OSBPL3: variants seen among roughly 807,000 people sequenced by gnomAD.
OSBPL3 encodes the protein oxysterol-binding protein-related protein 3.
Under a neutral mutation model 120.1 loss-of-function variants are expected in OSBPL3, and 65 were observed. The observed-to-expected ratio is 0.54, with a 90% confidence interval of 0.44 to 0.67. The LOEUF (loss-of-function observed/expected upper bound fraction) is 0.67, where lower values mean the gene tolerates loss of function less well. Ranked by LOEUF, OSBPL3 falls within the 30% of genes least tolerant of loss-of-function variation. OSBPL3 has a pLI of 0.00. For missense variants in OSBPL3, 1,004 were observed against 1,082.1 expected, an observed-to-expected ratio of 0.93 and a Z score of 1.01; for synonymous variants, 416 against 402.6, an observed-to-expected ratio of 1.03 and a Z score of -0.40.
rs1803957088 is a variant in OSBPL3 at position 24,883,055 on chromosome 7, C to A, written c.96+9322G>T. Among the ~76,000 whole-genome samples, 1 of 152,092 alleles carries A rather than the reference C, an allele frequency of 6.6e-6. No individual in the cohort carries two copies. Among genetic ancestry groups the A allele is most frequent in the African/African-American group, 2.4e-5 (1 of 41,412 alleles). On this transcript the variant is annotated intron_variant, in intron 2 of 22. Transcript: ENST00000313367. This position sits in a 1 kb window ranked among gnomAD's most constrained non-coding sequence, Gnocchi z 5.4. The stretch of plus-strand genomic sequence containing the variant: ...TGTTCACTGTTTTCCTTTTGCTGTG[C>A]AGAAACTTTTTAGTTTAATTAAGTA...
At position 24,937,844 on chromosome 7, in the gene OSBPL3, G is replaced by T. The variant is rs541559478; in HGVS notation, c.-150+42042C>A. Among the ~76,000 whole-genome samples the T allele has an allele frequency of 6.6e-6, 1 of 152,316 alleles. No individual in the cohort carries two copies. Among genetic ancestry groups the T allele is most frequent in the Non-Finnish European group, 1.5e-5 (1 of 68,032 alleles). ...CAAACTATTTAATTTGAACAAATTTGTGAGTGTAGAAACGATATTCTTGTT... is the reference window on the plus strand; with the variant it reads ...CAAACTATTTAATTTGAACAAATTTTTGAGTGTAGAAACGATATTCTTGTT... On this transcript the variant is annotated intron_variant, in intron 1 of 22. Coordinates refer to ENST00000313367, the MANE Select transcript of OSBPL3 (RefSeq NM_015550.4). This position sits in a 1 kb window ranked among gnomAD's most constrained non-coding sequence, Gnocchi z 4.0.
rs763625331 is a variant in OSBPL3 at position 24,863,615 on chromosome 7, G to A, written c.674-16C>T. 31 of 1,539,958 alleles carry A rather than the reference G, an allele frequency of 2.0e-5. No homozygotes were observed. The South Asian group carries it at 3.2e-4, about 16-fold the overall frequency. ...TGCGCCAGGTCTGTGGGGGAAAAGAGGACAGTGCTCACAATGCTCCACTAG... is the reference window on the plus strand; with the variant it reads ...TGCGCCAGGTCTGTGGGGGAAAAGAAGACAGTGCTCACAATGCTCCACTAG... On this transcript the variant is annotated splice_polypyrimidine_tract_variant and intron_variant, in intron 7 of 22. Coordinates refer to ENST00000313367, the MANE Select transcript of OSBPL3 (RefSeq NM_015550.4). This position sits in a 1 kb window ranked among gnomAD's most constrained non-coding sequence, Gnocchi z 5.8.
intron 1 of OSBPL3, among the ~76,000 whole-genome samples, chr7:24,961,015 A>G (rs1815671337): frequency 1.3e-5 from 2 of 152,224 alleles, no homozygotes; most frequent in Admixed American, 1.3e-4. Context: ...TTAAACTTCG[A>G]AATAATTTTT....
intron 17 of OSBPL3, among the ~76,000 whole-genome samples, chr7:24,816,914 C>T (rs565258368): frequency 3.9e-5 from 6 of 152,174 alleles, no homozygotes; most frequent in Admixed American, 2.6e-4. Flanking sequence ...TCCATGAATG[C>T]GAGAAGTGAA....
rs1410607774 is a variant in OSBPL3, at chr7:24,946,251, C to T, written c.-150+33635G>A. On this transcript the variant is annotated intron_variant, in intron 1 of 22. Transcript: ENST00000313367. The surrounding 1 kb of genome is among the most constrained non-coding windows in gnomAD (Gnocchi z 4.3). Reference sequence around the variant, plus strand: ...TACTTGGCAGTTAGCATGGTCAGAGCTAATGTCCCAAGAGAAGTAAGCAGA... The same window carrying T: ...TACTTGGCAGTTAGCATGGTCAGAGTTAATGTCCCAAGAGAAGTAAGCAGA... Among the ~76,000 whole-genome samples the T allele has an allele frequency of 6.6e-6, 1 of 152,176 alleles. No homozygotes were observed. The highest frequency in any genetic ancestry group is 2.4e-5 in the African/African-American group (1 of 41,436).
chr7:24,820,301 T>C lies in OSBPL3; in HGVS notation c.1885-63A>G. ...GAACTTTTGTGTCTCATGAAATCCA[T>C]TCTTTCTCCCCTGCACTGAGATGTA... On this transcript the variant is annotated intron_variant, in intron 16 of 22. Transcript: ENST00000313367. This position sits in a 1 kb window ranked among gnomAD's most constrained non-coding sequence, Gnocchi z 4.6. 8.1e-7 allele frequency: 1 copy of C among 1,237,084 alleles called. No homozygotes were observed. Among genetic ancestry groups the C allele is most frequent in the Non-Finnish European group, 1.2e-6 (1 of 849,000 alleles). The allele number at this position is 1,237,084 out of a possible 1,614,324, so 76.6% of individuals were successfully genotyped here. A position where few individuals can be genotyped will look rare whatever the true frequency, so the allele number is the denominator to read the frequency against.
At position 24,872,105 on chromosome 7, in the gene OSBPL3, C is replaced by T. The variant is rs1178598452; in HGVS notation, c.97-36G>A. ...AAAAGAGTTCATGTTAAATGTCTAT[C>T]TTTTTGAAAAATAATAATGGTAAAA... On this transcript the variant is annotated intron_variant, in intron 2 of 22. Transcript: ENST00000313367. This position sits in a 1 kb window ranked among gnomAD's most constrained non-coding sequence, Gnocchi z 4.1. 2 of 1,376,556 alleles carry T rather than the reference C, an allele frequency of 1.5e-6. No homozygotes were observed. Among genetic ancestry groups the T allele is most frequent in the Non-Finnish European group, 1.0e-6 (1 of 965,670 alleles). 85.3% of individuals were successfully genotyped at this position (1,376,556 alleles called of 1,614,324 possible). A position where few individuals can be genotyped will look rare whatever the true frequency, so the allele number is the denominator to read the frequency against.
intron 1 of OSBPL3, among the ~76,000 whole-genome samples, chr7:24,975,978 A>G (rs1385288205): frequency 1.3e-5 from 2 of 152,198 alleles, no homozygotes; most frequent in Non-Finnish European, 2.9e-5. Flanking sequence ...ACCAGCTCAC[A>G]GGGGTGGGGA....
intron 18 of OSBPL3, among the ~76,000 whole-genome samples, 192 bp downstream of exon 18, chr7:24,816,418 A>C (rs1584226731): frequency 6.6e-6 from 1 of 151,892 alleles, no homozygotes; most frequent in African/African-American, 2.4e-5. Flanking sequence ...AGGCATTTCC[A>C]TTTGAGGGAG....
intron 1 of OSBPL3, among the ~76,000 whole-genome samples, chr7:24,941,126 C>T (rs757567641): frequency 5.3e-4 from 81 of 152,308 alleles, no homozygotes; most frequent in Non-Finnish European, 9.8e-4. Context: ...GCCAACATTG[C>T]TTTCTTTTAA....
chr7:24,830,385 C>T lies in OSBPL3; in HGVS notation c.1884+383G>A, dbSNP rs1447627245. ...AATTGAGAATAACGCATTTATCTGG[C>T]GCTACCCACTCTGCTGGGGGCATTC... is the stretch of plus-strand genomic sequence containing the variant. On this transcript the variant is annotated intron_variant, in intron 16 of 22. Transcript: ENST00000313367. The surrounding 1 kb of genome is among the most constrained non-coding windows in gnomAD (Gnocchi z 4.4). Among the ~76,000 whole-genome samples the T allele has an allele frequency of 2.6e-5, 4 of 152,184 alleles. No individual in the cohort carries two copies. Among genetic ancestry groups the T allele is most frequent in the Non-Finnish European group, 4.4e-5 (3 of 68,030 alleles).
At chr7:24,889,372 C>T (rs1804994990) in intron 2 of OSBPL3, among the ~76,000 whole-genome samples, 1 of 152,104 alleles carries the variant, frequency 6.6e-6, no homozygotes, top group African/African-American at 2.4e-5. Flanking sequence ...TAATGTAACA[C>T]CATGCTGACT....
chr7:24,939,746 G>C lies in OSBPL3; in HGVS notation c.-150+40140C>G, dbSNP rs1040826843. Among the ~76,000 whole-genome samples, 2 of 152,132 alleles carry C rather than the reference G, an allele frequency of 1.3e-5. No homozygotes were observed. The highest frequency in any genetic ancestry group is 4.8e-5 in the African/African-American group (2 of 41,412). ...GCCAAAATGTCATCAAGAGGCCTTG[G>C]GAGACAGTGAAGATTTAGAATGGAA... is the stretch of plus-strand genomic sequence containing the variant. On this transcript the variant is annotated intron_variant, in intron 1 of 22. Coordinates refer to ENST00000313367, the MANE Select transcript of OSBPL3 (RefSeq NM_015550.4). This position sits in a 1 kb window ranked among gnomAD's most constrained non-coding sequence, Gnocchi z 4.2.
chr7:24,829,989 G>A (rs1796174698), intron 16 of OSBPL3, among the ~76,000 whole-genome samples: 1 of 152,170 alleles, frequency 6.6e-6, no homozygotes, highest in African/African-American at 2.4e-5. Context: ...AAAACCACGT[G>A]AGGTACATAT....
chr7:24,930,174 C>T lies in OSBPL3; in HGVS notation c.-149-37553G>A, dbSNP rs1224661032. Among the ~76,000 whole-genome samples the T allele has an allele frequency of 6.6e-6, 1 of 152,034 alleles. No homozygotes were observed. Among genetic ancestry groups the T allele is most frequent in the Non-Finnish European group, 1.5e-5 (1 of 67,998 alleles). ...GACCAACTGAATTGATGGCTTTATT[C>T]TTCTAATTAACTAATGATCAAAGGT... On this transcript the variant is annotated intron_variant, in intron 1 of 22. Transcript: ENST00000313367. This position sits in a 1 kb window ranked among gnomAD's most constrained non-coding sequence, Gnocchi z 4.4.
At chr7:24,837,734 T>A (rs554172846) in intron 14 of OSBPL3, among the ~76,000 whole-genome samples, 1 of 152,288 alleles carries the variant, frequency 6.6e-6, no homozygotes, top group East Asian at 1.9e-4. Flanking sequence ...AGTATTATTA[T>A]CCCCATTTCA....
chr7:24,836,249 G>A (rs1389037677), intron 14 of OSBPL3, among the ~76,000 whole-genome samples: 1 of 152,204 alleles, frequency 6.6e-6, no homozygotes, highest in Non-Finnish European at 1.5e-5. Flanking sequence ...ATCGGCAGCA[G>A]ATGTGAACAT....
chr7:24,952,414 A>C lies in OSBPL3; in HGVS notation c.-150+27472T>G, dbSNP rs148996809. On this transcript the variant is annotated intron_variant, in intron 1 of 22. Transcript: ENST00000313367. This position sits in a 1 kb window ranked among gnomAD's most constrained non-coding sequence, Gnocchi z 4.4. ...ATCTAGGTCTCCTGACATTCAATAC[A>C]ATGCCCTGTAGCAAACCGAAACCTC... 2.0e-5 allele frequency among the ~76,000 whole-genome samples: 3 copies of C among 152,312 alleles called. No individual in the cohort carries two copies. Among genetic ancestry groups the C allele is most frequent in the African/African-American group, 7.2e-5 (3 of 41,580 alleles).
rs1812625295 is a variant in OSBPL3, at chr7:24,938,035, T to A, written c.-150+41851A>T. ...CTACATTTAACTGCAACCGATAAGA[T>A]ACTTCCTCCTTATCTCCAAATGGTG... On this transcript the variant is annotated intron_variant, in intron 1 of 22. Transcript: ENST00000313367. This position sits in a 1 kb window ranked among gnomAD's most constrained non-coding sequence, Gnocchi z 5.8. 6.6e-6 allele frequency among the ~76,000 whole-genome samples: 1 copy of A among 152,194 alleles called. No homozygotes were observed. The highest frequency in any genetic ancestry group is 2.4e-5 in the African/African-American group (1 of 41,446).
Sources: gnomAD v4.1 joint callset for allele counts (sites outside exome capture counted in the v4.1 genomes callset) on GRCh38, gnomAD v4.1.1 for gene constraint, Gnocchi (gnomAD v3.1) non-coding constraint, MANE v1.5 for transcripts, NCBI Gene and HGNC (gene_info 2026-07-23, HGNC 2026-07-21) for gene names.